TINAG: variants seen among roughly 807,000 people sequenced by gnomAD.
TINAG encodes the protein tubulointerstitial nephritis antigen.
In TINAG, 83 loss-of-function variants were observed where a neutral mutation model predicts 72.7. The observed-to-expected ratio is 1.14, with a 90% CI of 0.96 to 1.37. The LOEUF is 1.37. Ranked by LOEUF, TINAG falls within the 40% of genes most tolerant of loss-of-function variation. The probability of loss-of-function intolerance (pLI) is 0.00; values close to 1 mark genes in which losing one functional copy is unlikely to be tolerated. For synonymous variants in TINAG, 234 were observed against 189.9 expected, an observed-to-expected ratio of 1.23 and a Z score of -1.91; for missense variants, 685 against 576.6, an observed-to-expected ratio of 1.19 and a Z score of -1.93.
At chr6:54,328,339 G>A (rs999560064) in intron 4 of TINAG, among the ~76,000 whole-genome samples, 3 of 152,092 alleles carry the variant, frequency 2.0e-5, no homozygotes, top group Admixed American at 6.5e-5. Flanking sequence ...GATCTGGAGT[G>A]GACCTCTAGC....
intron 4 of TINAG, among the ~76,000 whole-genome samples, chr6:54,339,251 A>G (rs979722608): frequency 6.6e-6 from 1 of 152,218 alleles, no homozygotes; most frequent in African/African-American, 2.4e-5. Context: ...TCTCACCAGT[A>G]AATCTGGAAG....
chr6:54,355,396 T>C (rs899735413), intron 9 of TINAG, among the ~76,000 whole-genome samples: 3 of 151,902 alleles, frequency 2.0e-5, no homozygotes, highest in Non-Finnish European at 4.4e-5. Flanking sequence ...CTTAATTTTA[T>C]TGAGCCTACG....
At chr6:54,324,793 A>G (rs903716467) in intron 3 of TINAG, among the ~76,000 whole-genome samples, 1 of 152,156 alleles carries the variant, frequency 6.6e-6, no homozygotes, top group Non-Finnish European at 1.5e-5. Context: ...CTTCCATTCT[A>G]GACTATATTC....
At chr6:54,342,405 C>A (rs1454311915) in intron 4 of TINAG, among the ~76,000 whole-genome samples, 1 of 150,386 alleles carries the variant, frequency 6.6e-6, no homozygotes, top group East Asian at 2.0e-4. Flanking sequence ...GTCGCCCAGG[C>A]TGGAGAGCAG....
intron 3 of TINAG, among the ~76,000 whole-genome samples, chr6:54,323,793 G>A (rs9474803): frequency 0.07 from 10,685 of 151,996 alleles, 751 homozygotes; most frequent in African/African-American, 0.17. Flanking sequence ...ATCTCTACCA[G>A]AAATACAAAA....
chr6:54,338,666 G>C (rs868460799), intron 4 of TINAG, among the ~76,000 whole-genome samples: 40 of 142,994 alleles, frequency 2.8e-4, no homozygotes, highest in South Asian at 2.3e-4. Context: ...GGAGGTTGCA[G>C]TGAGCCTAGA....
intron 5 of TINAG, among the ~76,000 whole-genome samples, chr6:54,346,267 T>C (rs1169620054): frequency 1.3e-5 from 2 of 152,086 alleles, no homozygotes; most frequent in African/African-American, 2.4e-5. Context: ...TTGTTTCTTG[T>C]TCATCATTGT....
intron 9 of TINAG, among the ~76,000 whole-genome samples, chr6:54,372,105 C>T (rs1763635571): frequency 6.7e-6 from 1 of 148,498 alleles, no homozygotes; most frequent in African/African-American, 2.5e-5. Flanking sequence ...TATTCTCCTG[C>T]CTCAGCCTCC....
intron 7 of TINAG, among the ~76,000 whole-genome samples, chr6:54,350,794 T>G (rs1411859041): frequency 6.6e-6 from 1 of 151,536 alleles, no homozygotes; most frequent in Non-Finnish European, 1.5e-5. Flanking sequence ...ATGGATCTTA[T>G]TAAATAATAA....
At chr6:54,358,973 G>A (rs1763145934) in intron 9 of TINAG, among the ~76,000 whole-genome samples, 1 of 151,798 alleles carries the variant, frequency 6.6e-6, no homozygotes, top group South Asian at 2.1e-4. Flanking sequence ...TCCTATTCAG[G>A]TCCAGTGGTG....
intron 1 of TINAG, 40 bp downstream of exon 1, chr6:54,308,945 T>C (rs747479086): frequency 1.3e-6 from 2 of 1,481,934 alleles, no homozygotes; most frequent in African/African-American, 1.4e-5. Context: ...TCCTCGTTCA[T>C]AACAACAAGA....
chr6:54,389,662 T>C, intron 10 of TINAG, 129 bp from the exon 11 acceptor site: 2 of 1,134,810 alleles, frequency 1.8e-6, no homozygotes, highest in Non-Finnish European at 2.4e-6. Flanking sequence ...TAAAAATAGG[T>C]AAGTTCTTGA....
intron 10 of TINAG, among the ~76,000 whole-genome samples, chr6:54,386,699 G>A (rs1304181214): frequency 6.6e-6 from 1 of 151,758 alleles, no homozygotes; most frequent in Non-Finnish European, 1.5e-5. Context: ...CCAATACATA[G>A]GTCACAGAAA....
rs77605737 is a variant in TINAG at position 54,378,817 on chromosome 6, C to T, written c.1251-1709C>T. On this transcript the variant is annotated intron_variant, in intron 9 of 10. Coordinates refer to ENST00000259782, the MANE Select transcript of TINAG (RefSeq NM_014464.4). Reference sequence around the variant, plus strand: ...TTACAAAGTGGGAAGGCAACCTAGTCTCTATCAGGAATAGGAGAAAGCAAA... The same window carrying T: ...TTACAAAGTGGGAAGGCAACCTAGTTTCTATCAGGAATAGGAGAAAGCAAA... Among the ~76,000 whole-genome samples the T allele has an allele frequency of 1.1e-4, 16 of 152,266 alleles. No homozygotes were observed. In the East Asian group the frequency reaches 2.7e-3, roughly 26 times the overall value.
intron 9 of TINAG, among the ~76,000 whole-genome samples, chr6:54,359,893 A>G (rs1239478802): frequency 6.6e-6 from 1 of 151,810 alleles, no homozygotes; most frequent in African/African-American, 2.4e-5. Context: ...AAGTAAGTAA[A>G]TATTCCTTAT....
chr6:54,307,948 T>C, upstream of TINAG: 1 of 1,298,550 alleles, frequency 7.7e-7, no homozygotes, highest in Non-Finnish European at 1.1e-6. Flanking sequence ...CACTAAGCCT[T>C]GAAATCAAAA....
intron 4 of TINAG, among the ~76,000 whole-genome samples, chr6:54,340,045 T>C (rs992492292): frequency 6.6e-6 from 1 of 152,198 alleles, no homozygotes; most frequent in Non-Finnish European, 1.5e-5. Context: ...CACCACTCTT[T>C]TAGAGATTTT....
chr6:54,365,982 T>C (rs9367567), intron 9 of TINAG, among the ~76,000 whole-genome samples: 1 of 151,580 alleles, frequency 6.6e-6, no homozygotes, highest in Admixed American at 6.6e-5. Flanking sequence ...CTGGGCAACA[T>C]AGAGACCTTG....
intron 4 of TINAG, among the ~76,000 whole-genome samples, chr6:54,333,589 A>G (rs1450629936): frequency 6.6e-6 from 1 of 152,112 alleles, no homozygotes; most frequent in Non-Finnish European, 1.5e-5. Context: ...CACGTTCTAC[A>G]CATGTATCCC....
Sources: gnomAD v4.1 joint callset for allele counts (sites outside exome capture counted in the v4.1 genomes callset) on GRCh38, gnomAD v4.1.1 for gene constraint, MANE v1.5 for transcripts, NCBI Gene and HGNC (gene_info 2026-07-23, HGNC 2026-07-21) for gene names.